The following PLPP4 variants were observed in gnomAD, a reference collection of about 807,000 sequenced individuals.
PLPP4 encodes diacylglycerol pyrophosphate like 2.
A neutral mutation model predicts 32.2 loss-of-function variants in PLPP4; 20 were observed. The ratio of observed to expected loss-of-function variants is 0.62; its 90% CI spans 0.44 to 0.90. The LOEUF (loss-of-function observed/expected upper bound fraction) is 0.90, where lower values mean the gene tolerates loss of function less well. Ranked by LOEUF, PLPP4 falls within the 40% of genes least tolerant of loss-of-function variation. The probability of loss-of-function intolerance (pLI) is 0.00; values close to 1 mark genes in which losing one functional copy is unlikely to be tolerated. For missense variants in PLPP4, 257 were observed against 353.1 expected (o/e 0.73, Z 2.18); for synonymous variants, 127 against 133.0 (o/e 0.95, Z 0.31).
intron 2 of PLPP4, among the ~76,000 whole-genome samples, chr10:120,511,529 G>A (rs1041774359): frequency 6.6e-5 from 10 of 152,070 alleles, no homozygotes; most frequent in Non-Finnish European, 1.0e-4. Context: ...TTACTGGGTC[G>A]TCCACTATTT....
chr10:120,531,696 A>G (rs1467814194), intron 5 of PLPP4, among the ~76,000 whole-genome samples: 1 of 152,094 alleles, frequency 6.6e-6, no homozygotes, highest in African/African-American at 2.4e-5. Flanking sequence ...TCCTTTCACT[A>G]TCAAATTACT....
chr10:120,479,042 T>C (rs35238107), intron 1 of PLPP4, among the ~76,000 whole-genome samples: 11,812 of 152,172 alleles, frequency 0.078, 632 homozygotes, highest in Non-Finnish European at 0.11. Flanking sequence ...CTGGCTAACA[T>C]GGTGAAACCC....
chr10:120,564,224 C>CT (rs1319655888), intron 5 of PLPP4, among the ~76,000 whole-genome samples: 1 of 151,704 alleles, frequency 6.6e-6, no homozygotes, highest in African/African-American at 2.4e-5. Flanking sequence ...TCTTCTGTGA[C>CT]CCACAGTTGT....
chr10:120,565,353 T>TGTGTGTGC (rs1554896567), intron 5 of PLPP4, among the ~76,000 whole-genome samples: 1 of 135,022 alleles, frequency 7.4e-6, no homozygotes, highest in African/African-American at 2.6e-5. Context: ...TGTGTGTGTG[T>TGTGTGTGC]GTGTGTGTGC....
intron 5 of PLPP4, among the ~76,000 whole-genome samples, chr10:120,526,106 C>T (rs1846376802): frequency 6.6e-6 from 1 of 151,978 alleles, no homozygotes; most frequent in East Asian, 1.9e-4. Flanking sequence ...ATCAGGGAGA[C>T]TTTAAAATTT....
intron 1 of PLPP4, among the ~76,000 whole-genome samples, chr10:120,472,488 T>C (rs1007956188): frequency 1.3e-5 from 2 of 152,134 alleles, no homozygotes; most frequent in Non-Finnish European, 2.9e-5. Flanking sequence ...GTAATGTGTT[T>C]TTGCTCTTGA....
intron 1 of PLPP4, among the ~76,000 whole-genome samples, chr10:120,482,953 G>A (rs1844278130): frequency 1.3e-5 from 2 of 152,118 alleles, no homozygotes; most frequent in African/African-American, 2.4e-5. Flanking sequence ...AAGAAGATTA[G>A]CATTTGAGTC....
intron 5 of PLPP4, among the ~76,000 whole-genome samples, chr10:120,555,984 G>C (rs552331512): frequency 6.6e-6 from 1 of 152,332 alleles, no homozygotes; most frequent in South Asian, 2.1e-4. Flanking sequence ...CTGGTGGCTT[G>C]TGGCTTGCAG....
chr10:120,560,945 G>A (rs138413568), intron 5 of PLPP4, among the ~76,000 whole-genome samples: 4 of 152,046 alleles, frequency 2.6e-5, no homozygotes, highest in Non-Finnish European at 5.9e-5. Context: ...CAATTGCATG[G>A]GGTGTCGGTG....
chr10:120,546,574 T>G (rs1847633495), intron 5 of PLPP4, among the ~76,000 whole-genome samples: 2 of 152,224 alleles, frequency 1.3e-5, no homozygotes, highest in African/African-American at 4.8e-5. Flanking sequence ...CTCCAGCATG[T>G]ACTCTTCAAA....
intron 5 of PLPP4, among the ~76,000 whole-genome samples, chr10:120,537,930 C>T (rs1313868052): frequency 6.7e-6 from 1 of 148,646 alleles, no homozygotes; most frequent in African/African-American, 2.5e-5. Context: ...GCTGGGTGTC[C>T]ATCCTCAGCC....
chr10:120,568,194 C>A (rs144050449), intron 5 of PLPP4, among the ~76,000 whole-genome samples: 1 of 152,360 alleles, frequency 6.6e-6, no homozygotes, highest in Non-Finnish European at 1.5e-5. Flanking sequence ...CCATCACAGA[C>A]TGTCCCTATT....
At chr10:120,462,847 G>A (rs1848120376) in intron 1 of PLPP4, among the ~76,000 whole-genome samples, 1 of 152,122 alleles carries the variant, frequency 6.6e-6, no homozygotes, top group Admixed American at 6.5e-5. Context: ...GGTGGAGGCA[G>A]CAGGCGGTGG....
intron 1 of PLPP4, among the ~76,000 whole-genome samples, chr10:120,488,301 C>T (rs1044866410): frequency 6.6e-6 from 1 of 152,164 alleles, no homozygotes; most frequent in Non-Finnish European, 1.5e-5. Flanking sequence ...TCAATATGTG[C>T]TGAATGAATG....
intron 1 of PLPP4, among the ~76,000 whole-genome samples, chr10:120,488,988 G>C (rs888748380): frequency 1.3e-5 from 2 of 152,190 alleles, no homozygotes; most frequent in African/African-American, 2.4e-5. Context: ...GAAGTGTCTA[G>C]CAGCTTCTTG....
intron 5 of PLPP4, among the ~76,000 whole-genome samples, chr10:120,574,150 ACACACACACACACACACACTCTCT>A (rs1274376366): frequency 1.7e-5 from 2 of 118,072 alleles, no homozygotes; most frequent in Non-Finnish European, 1.7e-5. Context: ...ACACACACAC[ACACACACACACACACACACTCTCT>A]CTCTCTCTCT....
intron 1 of PLPP4, among the ~76,000 whole-genome samples, chr10:120,462,274 C>A (rs1848086818): frequency 6.6e-6 from 1 of 152,104 alleles, no homozygotes; most frequent in East Asian, 1.9e-4. Flanking sequence ...GGAAGGAGAA[C>A]GCAAGTGGCC....
chr10:120,544,347 C>T (rs1847509880), intron 5 of PLPP4, among the ~76,000 whole-genome samples: 1 of 152,198 alleles, frequency 6.6e-6, no homozygotes. Context: ...ATCTTCTCTG[C>T]CTGGGAGACT....
chr10:120,520,976 G>T lies in PLPP4; in HGVS notation c.326G>T (p.Arg109Leu). 1 of 1,613,870 alleles carries T rather than the reference G, an allele frequency of 6.2e-7. No individual in the cohort carries two copies. The highest frequency in any genetic ancestry group is 8.5e-7 in the Non-Finnish European group (1 of 1,179,950). ...NTIKLIVGRP[R>L]PDFFYRCFPD... ...GTCCATGGTGTCTTTTGTAGACCTC[G>T]CCCCGATTTCTTTTACCGCTGCTTT... Residue 109 changes from arginine (R) to leucine (L), a missense_variant, in exon 5 of 7, where the codon CGC becomes CTC. By Grantham distance (102) the Arg-to-Leu change is moderately radical (BLOSUM62 -2). Coordinates refer to ENST00000398250, the MANE Select transcript of PLPP4 (RefSeq NM_001030059.3).
Sources: gnomAD v4.1 joint callset for allele counts (sites outside exome capture counted in the v4.1 genomes callset) on GRCh38, gnomAD v4.1.1 for gene constraint, MANE v1.5 for transcripts, NCBI Gene and HGNC (gene_info 2026-07-23, HGNC 2026-07-21) for gene names.